Variants in TMEM223 observed in about 807,000 individuals in gnomAD.
TMEM223 encodes the protein transmembrane protein 223.
Under a neutral mutation model 14.1 loss-of-function variants are expected in TMEM223, and 14 were observed. The ratio of observed to expected loss-of-function variants is 0.99; its 90% CI spans 0.66 to 1.55. TMEM223 has a LOEUF of 1.55. Ranked by LOEUF, TMEM223 falls within the 40% of genes most tolerant of loss-of-function variation. The pLI, the probability that TMEM223 is intolerant of heterozygous loss-of-function variation, is 0.00. For missense variants in TMEM223, 346 were observed against 269.9 expected (o/e 1.28, Z -1.97); for synonymous variants, 145 against 120.5 (o/e 1.20, Z -1.33).
At chr11:62,787,194 C>G, downstream of TMEM223, 3 of 1,588,828 alleles carry the variant, frequency 1.9e-6, no homozygotes, top group South Asian at 1.1e-5. Context: ...ACGGGCCTAG[C>G]CCGGCCTCGC....
chr11:62,784,620 TATC>T (rs2084257151), downstream of TMEM223, among the ~76,000 whole-genome samples: 1 of 152,226 alleles, frequency 6.6e-6, no homozygotes, highest in South Asian at 2.1e-4. Context: ...TTCTTAATTT[TATC>T]ATCAATTTAT....
chr11:62,791,154 A>G (rs2084356421), intron 1 of TMEM223, among the ~76,000 whole-genome samples: 1 of 151,988 alleles, frequency 6.6e-6, no homozygotes, highest in Admixed American at 6.6e-5. Flanking sequence ...TTCCATTTTA[A>G]TGGGAAGATG....
At chr11:62,774,083 C>CT (rs919821681) in intron 2 of TMEM223, among the ~76,000 whole-genome samples, 50 of 146,904 alleles carry the variant, frequency 3.4e-4, no homozygotes, top group Admixed American at 1.0e-3. Context: ...TTCTTTATTT[C>CT]TTTTTTTTTT....
downstream of TMEM223, chr11:62,787,318 T>C: frequency 6.6e-7 from 1 of 1,526,034 alleles, no homozygotes; most frequent in African/African-American, 1.4e-5. Context: ...CTTCGTTCCT[T>C]GTAAATAAAT....
chr11:62,771,530 C>G (rs2084146974), downstream of TMEM223: 1 of 158,870 alleles, frequency 6.3e-6, no homozygotes, highest in Non-Finnish European at 1.4e-5. Flanking sequence ...TCCCCATTCC[C>G]GACGCCGACT....
downstream of TMEM223, among the ~76,000 whole-genome samples, chr11:62,783,660 G>A (rs1392732112): frequency 6.6e-6 from 1 of 150,604 alleles, no homozygotes; most frequent in Admixed American, 6.7e-5. Context: ...TCACCCTCCC[G>A]AGTAGCTGGG....
rs1216917256 is a variant in TMEM223, at chr11:62,790,222, ATAT to A, written c.*398_*400del. On this transcript the variant is annotated 3_prime_UTR_variant, in exon 2 of 2. Transcript: ENST00000307366. ...TTCCTGCAGCTGTTTTTGTACCAAA[ATAT>A]TATATTACTGTCTTCATCTTAGTAG... The A allele has an allele frequency of 3.3e-5, 23 of 692,132 alleles. No individual in the cohort carries two copies. In the East Asian group the frequency reaches 6.3e-4, roughly 19 times the overall value. 42.9% of individuals were successfully genotyped at this position (692,132 alleles called of 1,614,324 possible). A position where few individuals can be genotyped will look rare whatever the true frequency, so the allele number is the denominator to read the frequency against.
chr11:62,785,700 A>G (rs2084267974), downstream of TMEM223, among the ~76,000 whole-genome samples: 1 of 151,380 alleles, frequency 6.6e-6, no homozygotes, highest in South Asian at 2.1e-4. Flanking sequence ...GCGCCCAGCT[A>G]ATTTTTGTAT....
chr11:62,781,034 G>A (rs1461442675), intron 1 of TMEM223, among the ~76,000 whole-genome samples: 1 of 151,258 alleles, frequency 6.6e-6, no homozygotes, highest in East Asian at 1.9e-4. Context: ...CCGGGAGTTC[G>A]AGACTAGCCT....
At chr11:62,778,501 G>T in intron 1 of TMEM223, 1 of 776,292 alleles carries the variant, frequency 1.3e-6, no homozygotes, top group Non-Finnish European at 2.1e-6. Flanking sequence ...GCTCAGAGTT[G>T]GAGATGGGGG....
intron 1 of TMEM223, chr11:62,782,450 C>A: frequency 8.4e-7 from 1 of 1,189,958 alleles, no homozygotes; most frequent in Non-Finnish European, 1.2e-6. Flanking sequence ...GGAACCTTTT[C>A]CCTAGGAGCG....
At chr11:62,784,184 T>C (rs2084252754), downstream of TMEM223, among the ~76,000 whole-genome samples, 1 of 148,806 alleles carries the variant, frequency 6.7e-6, no homozygotes, top group Admixed American at 6.7e-5. Context: ...GAGACGGGGT[T>C]TCACAATGTT....
In TMEM223 at chr11:62,776,278, G is replaced by C. The variant is rs1311717425; in HGVS notation, c.315-1613C>G. The C allele has an allele frequency of 4.3e-5, 48 of 1,110,958 alleles. 1 individual carries two copies. The highest frequency in any genetic ancestry group is 6.0e-5 in the Non-Finnish European group (44 of 737,826). The allele number at this position is 1,110,958 out of a possible 1,614,324, so 68.8% of individuals were successfully genotyped here. A position where few individuals can be genotyped will look rare whatever the true frequency, so the allele number is the denominator to read the frequency against. ...GAATCTAGGCTTCTGATCCCTAAGC[G>C]TGGTCTCCTGTTTGCCTTCTCTCCA... On this transcript the variant is annotated intron_variant, in intron 1 of 2. Transcript: ENST00000528367.
At chr11:62,775,232 A>G (rs1000506168) in intron 1 of TMEM223, among the ~76,000 whole-genome samples, 8 of 152,236 alleles carry the variant, frequency 5.3e-5, no homozygotes, top group Admixed American at 3.3e-4. Context: ...AAGGGGGAAA[A>G]GCTCTTTATA....
chr11:62,786,110 A>C, downstream of TMEM223: 2 of 968,960 alleles, frequency 2.1e-6, no homozygotes, highest in Non-Finnish European at 3.1e-6. Context: ...GTTCCAAATA[A>C]ATATATGGTT....
At chr11:62,791,388 G>A (rs1486615333) in intron 1 of TMEM223, among the ~76,000 whole-genome samples, 1 of 152,164 alleles carries the variant, frequency 6.6e-6, no homozygotes, top group Admixed American at 6.5e-5. Flanking sequence ...CTCCCGAGTA[G>A]CTGGGACTAC....
chr11:62,779,682 T>G (rs1241553317), intron 1 of TMEM223, among the ~76,000 whole-genome samples: 1 of 151,604 alleles, frequency 6.6e-6, no homozygotes, highest in Non-Finnish European at 1.5e-5. Flanking sequence ...AACATTTTTT[T>G]TAAGATGGGG....
rs371664601 is a variant in TMEM223 at position 62,774,547 on chromosome 11, C to T, written c.385+48G>A. On this transcript the variant is annotated intron_variant, in intron 2 of 2. Transcript: ENST00000528367. ...TGGGTGGGTCATCCTGGATCTGGGC[C>T]TTCCTGTCTGAGGTGTGGATGCATC... 1,179 of 454,208 alleles carry T rather than the reference C, an allele frequency of 2.6e-3. 23 individuals carry two copies. The highest frequency in any genetic ancestry group is 0.018 in the South Asian group (1,149 of 64,486). The allele number at this position is 454,208 out of a possible 1,614,324, so 28.1% of individuals were successfully genotyped here.
chr11:62,790,877 G>C lies in TMEM223; in HGVS notation c.355C>G (p.Arg119Gly). The change falls in exon 2 of 2, where the codon CGG becomes GGG. Residue 119 changes from arginine (R) to glycine (G), a missense_variant. Physicochemically the swap from Arg to Gly is moderately radical, Grantham distance 125. Transcript: ENST00000307366. ...VLGAGLLFSL[R>G]SVRSVVLRAG... ...CGAAGCACCACTGAGCGCACAGACC[G>C]GAGAGAGAAGAGAAGACCAGCACCG... 7 of 1,600,918 alleles carry C rather than the reference G, an allele frequency of 4.4e-6. No individual in the cohort carries two copies. Among genetic ancestry groups the C allele is most frequent in the Non-Finnish European group, 6.0e-6 (7 of 1,172,318 alleles).
Sources: allele counts gnomAD v4.1 joint callset (sites outside exome capture counted in the v4.1 genomes callset), GRCh38; gene constraint gnomAD v4.1.1; transcripts MANE v1.5; gene names NCBI Gene and HGNC (gene_info 2026-07-23, HGNC 2026-07-21).